Variants in MAP3K9 observed in about 807,000 individuals in gnomAD.
The protein encoded by MAP3K9 is mixed lineage kinase 1 (tyr and ser/thr specificity).
A neutral mutation model predicts 95.8 loss-of-function variants in MAP3K9; 46 were observed. The observed-to-expected ratio is 0.48, with a 90% CI of 0.38 to 0.61. The LOEUF is 0.61. Among genes scored for constraint, MAP3K9 ranks in the 20% least tolerant of loss-of-function variants. The pLI is 0.00. For missense variants in MAP3K9, 1,296 were observed against 1,474.3 expected (o/e 0.88, Z 1.98); for synonymous variants, 533 against 593.8 (o/e 0.90, Z 1.49).
In MAP3K9 at chr14:70,798,471, GTTTTTTT is replaced by G. The variant is rs1170327816; in HGVS notation, c.820+2189_820+2195del. On this transcript the variant is annotated intron_variant, in intron 2 of 11. Coordinates refer to ENST00000554752, the MANE Select transcript of MAP3K9 (RefSeq NM_001284230.2). ...TTACTTTGAAAAGAGGTCACCAAAA[GTTTTTTT>G]TTTTTTTTTTTTTTTTTTGAGACGG... Among the ~76,000 whole-genome samples the G allele has an allele frequency of 2.7e-3, 179 of 65,426 alleles. 1 individual carries two copies. The highest frequency in any genetic ancestry group is 0.01 in the African/African-American group (164 of 16,146). The allele number at this position is 65,426 out of a possible 152,430, so 42.9% of individuals were successfully genotyped here. A position where few individuals can be genotyped will look rare whatever the true frequency, so the allele number is the denominator to read the frequency against.
intron 2 of MAP3K9, among the ~76,000 whole-genome samples, chr14:70,782,937 T>C (rs1038730684): frequency 1.3e-5 from 2 of 152,218 alleles, no homozygotes; most frequent in African/African-American, 4.8e-5. Context: ...CTTCCTTCCC[T>C]GCTACCTGGA....
At chr14:70,758,197 A>T (rs1252581469) in intron 3 of MAP3K9, among the ~76,000 whole-genome samples, 1 of 152,230 alleles carries the variant, frequency 6.6e-6, no homozygotes, top group African/African-American at 2.4e-5. Flanking sequence ...AAAAAGACAA[A>T]TACTCTAATT....
intron 2 of MAP3K9, among the ~76,000 whole-genome samples, chr14:70,790,585 T>C (rs140373730): frequency 2.6e-5 from 4 of 152,362 alleles, no homozygotes; most frequent in Non-Finnish European, 4.4e-5. Flanking sequence ...TATTGATTCA[T>C]AACCTTCTCT....
chr14:70,738,389 C>G lies in MAP3K9; in HGVS notation c.1700G>C (p.Gly567Ala). ...PRLRAIQLTP[G>A]ESSKTWGRSS... ...CCTGCCCCAGGTTTTGCTGCTTTCACCTGGTGTCACTGTGAATCACAAGGG... is the reference window on the plus strand; with the variant it reads ...CCTGCCCCAGGTTTTGCTGCTTTCAGCTGGTGTCACTGTGAATCACAAGGG... Residue 567 changes from glycine to alanine, a missense_variant, in exon 8 of 12, where the codon GGT becomes GCT. Gly to Ala is a moderately conservative substitution (Grantham distance 60). Coordinates refer to ENST00000554752, the MANE Select transcript of MAP3K9 (RefSeq NM_001284230.2). The G allele has an allele frequency of 6.2e-7, 1 of 1,613,806 alleles. No individual in the cohort carries two copies. The highest frequency in any genetic ancestry group is 8.5e-7 in the Non-Finnish European group (1 of 1,179,910).
chr14:70,787,844 T>G (rs2054764059), intron 2 of MAP3K9, among the ~76,000 whole-genome samples: 1 of 151,978 alleles, frequency 6.6e-6, no homozygotes, highest in Admixed American at 6.6e-5. Flanking sequence ...GATTTTTTGG[T>G]TGGCCACATT....
intron 3 of MAP3K9, among the ~76,000 whole-genome samples, chr14:70,753,747 A>T (rs1216364841): frequency 6.6e-6 from 1 of 152,162 alleles, no homozygotes; most frequent in Non-Finnish European, 1.5e-5. Context: ...CAACCCTCAC[A>T]AAATTTACTC....
chr14:70,805,061 C>G (rs1464398714), intron 1 of MAP3K9, among the ~76,000 whole-genome samples: 1 of 152,176 alleles, frequency 6.6e-6, no homozygotes, highest in Non-Finnish European at 1.5e-5. Context: ...AGAATCAGGT[C>G]AAGCTGCATT....
At chr14:70,771,954 C>T (rs1191968546) in intron 2 of MAP3K9, among the ~76,000 whole-genome samples, 1 of 152,230 alleles carries the variant, frequency 6.6e-6, no homozygotes, top group East Asian at 1.9e-4. Flanking sequence ...GGACCACTAC[C>T]AGGGAGCCAG....
At position 70,808,443 on chromosome 14, in the gene MAP3K9, G is replaced by C. The variant is rs533232648; in HGVS notation, c.406+323C>G. On this transcript the variant is annotated intron_variant, in intron 1 of 11. Coordinates refer to ENST00000554752, the MANE Select transcript of MAP3K9 (RefSeq NM_001284230.2). ...CAGATTGGGAATGGGGGGCGGCGGG[G>C]GGGTGGGTAAGAGAAGGGACTGGGA... Among the ~76,000 whole-genome samples the C allele has an allele frequency of 7.9e-3, 1,204 of 151,756 alleles. 10 individuals are homozygous for C. Among genetic ancestry groups the C allele is most frequent in the Non-Finnish European group, 0.013 (853 of 67,866 alleles).
chr14:70,743,811 T>A lies in MAP3K9; in HGVS notation c.1327-1220A>T, dbSNP rs909250375. ...AGACAGTGTGGCAACTCCTCAAGGATCTAGAACTAGAAATACCATTTGACC... is the reference window on the plus strand; with the variant it reads ...AGACAGTGTGGCAACTCCTCAAGGAACTAGAACTAGAAATACCATTTGACC... On this transcript the variant is annotated intron_variant, in intron 5 of 11. Transcript: ENST00000554752. Among the ~76,000 whole-genome samples, 5 of 152,330 alleles carry A rather than the reference T, an allele frequency of 3.3e-5. No individual in the cohort carries two copies. The South Asian group carries it at 6.2e-4, about 19-fold the overall frequency.
chr14:70,796,282 T>C (rs1293914772), intron 2 of MAP3K9, among the ~76,000 whole-genome samples: 1 of 152,244 alleles, frequency 6.6e-6, no homozygotes, highest in African/African-American at 2.4e-5. Context: ...CAGAGGCTTT[T>C]TACAAGTAGT....
chr14:70,808,786 C>CT lies in MAP3K9; in HGVS notation c.385dup (p.Ser129LysfsTer12). 2 of 1,583,302 alleles carry CT rather than the reference C, an allele frequency of 1.3e-6. No homozygotes were observed. The highest frequency in any genetic ancestry group is 1.7e-6 in the Non-Finnish European group (2 of 1,168,040). On this transcript the variant is annotated frameshift_variant, in exon 1 of 12. Transcript: ENST00000554752. LOFTEE classifies it high-confidence loss of function. ...CTTACACTGAATGGGCGGGTAGCAACTGGGGTCCTCGCCGCCGGGCTGGCA... is the reference window on the plus strand; with the variant it reads ...CTTACACTGAATGGGCGGGTAGCAACTTGGGGTCCTCGCCGCCGGGCTGGCA...
intron 9 of MAP3K9, among the ~76,000 whole-genome samples, chr14:70,735,207 G>A (rs1193192133): frequency 6.6e-6 from 1 of 152,136 alleles, no homozygotes; most frequent in Admixed American, 6.5e-5. Context: ...GTAACTCTCC[G>A]AGGATACAGC....
chr14:70,783,290 A>C (rs2054705757), intron 2 of MAP3K9: 1 of 962,272 alleles, frequency 1.0e-6, no homozygotes, highest in Non-Finnish European at 1.2e-6. Flanking sequence ...GGCATCCTAA[A>C]GTAAATTCAA....
intron 2 of MAP3K9, among the ~76,000 whole-genome samples, chr14:70,785,756 T>G (rs908254294): frequency 6.6e-6 from 1 of 152,110 alleles, no homozygotes; most frequent in Non-Finnish European, 1.5e-5. Context: ...GTACACCCAG[T>G]GTGGACATGC....
In MAP3K9 at chr14:70,749,012, G is replaced by A. The variant is rs10129495; in HGVS notation, c.1151-8C>T. 512,410 of 1,608,328 alleles carry A rather than the reference G, an allele frequency of 0.32. 82,866 individuals carry two copies. The highest frequency in any genetic ancestry group is 0.38 in the Admixed American group (22,346 of 59,450). On this transcript the variant is annotated splice_polypyrimidine_tract_variant and splice_region_variant and intron_variant, in intron 4 of 11. Coordinates refer to ENST00000554752, the MANE Select transcript of MAP3K9 (RefSeq NM_001284230.2). The stretch of plus-strand genomic sequence containing the variant: ...GATCAGGATTCCAGCAGTCTGAATA[G>A]AACATGTGAATACTCAGAAAGCATG...
rs1023707476 is a variant in MAP3K9 at position 70,728,084 on chromosome 14, G to T, written c.*2296C>A. On this transcript the variant is annotated 3_prime_UTR_variant, in exon 12 of 12. Transcript: ENST00000554752. ...CATGGTTTAGCCTGAGGTTATGGAG[G>T]GCCCGGGGGAAGGAGGCCACAGAAC... 6.6e-6 allele frequency: 1 copy of T among 150,408 alleles called. No individual in the cohort carries two copies. The highest frequency in any genetic ancestry group is 1.5e-5 in the Non-Finnish European group (1 of 67,722). The allele number at this position is 150,408 out of a possible 1,614,324, so 9.3% of individuals were successfully genotyped here.
chr14:70,750,554 G>A (rs561103701), intron 3 of MAP3K9, among the ~76,000 whole-genome samples: 12 of 152,164 alleles, frequency 7.9e-5, no homozygotes, highest in Non-Finnish European at 1.5e-4. Context: ...GCGTGATCTC[G>A]GCTCACTGCA....
At chr14:70,803,356 A>AAAAAAAC (rs1566771130) in intron 1 of MAP3K9, among the ~76,000 whole-genome samples, 3 of 150,580 alleles carry the variant, frequency 2.0e-5, no homozygotes, top group Non-Finnish European at 4.5e-5. Flanking sequence ...AAAAAAAAAA[A>AAAAAAAC]AAAAAACTGA....
Sources: allele counts gnomAD v4.1 joint callset (sites outside exome capture counted in the v4.1 genomes callset), GRCh38; gene constraint gnomAD v4.1.1; transcripts MANE v1.5; gene names NCBI Gene and HGNC (gene_info 2026-07-23, HGNC 2026-07-21).